Variants in TANC1 observed in about 807,000 individuals in gnomAD.
The protein encoded by TANC1 is tetratricopeptide repeat, ankyrin repeat and coiled-coil containing 1, also known as protein TANC1.
TANC1 carries 77 observed loss-of-function variants against 149.7 expected under a neutral mutation model. The ratio of observed to expected loss-of-function variants is 0.51; its 90% CI spans 0.43 to 0.62. The LOEUF is 0.62. Among genes scored for constraint, TANC1 ranks in the 20% least tolerant of loss-of-function variants. TANC1 has a pLI of 0.00. For missense variants in TANC1, 1,985 were observed against 2,321.8 expected (o/e 0.85, Z 2.98); for synonymous variants, 854 against 925.0 (o/e 0.92, Z 1.39).
chr2:159,109,690 C>T (rs148140782), intron 4 of TANC1, among the ~76,000 whole-genome samples: 1 of 152,300 alleles, frequency 6.6e-6, no homozygotes, highest in Non-Finnish European at 1.5e-5. Context: ...CAGCCCAGGA[C>T]AGGAATCTTC....
intron 2 of TANC1, chr2:159,004,052 C>A (rs967242936): frequency 2.5e-6 from 4 of 1,612,126 alleles, no homozygotes; most frequent in South Asian, 2.2e-5. Context: ...TTATTCATTT[C>A]AACAATCCCA....
rs77691899 is a variant in TANC1, at chr2:159,135,884, C to T, written c.260-310C>T. On this transcript the variant is annotated intron_variant, in intron 4 of 26. Transcript: ENST00000263635. ...ACTTGACCAGTGAAGACAGCTGTAG[C>T]GACTTCACAGCAAGAGAGCAGCTTT... Among the ~76,000 whole-genome samples, 72 of 152,310 alleles carry T rather than the reference C, an allele frequency of 4.7e-4. 1 individual carries two copies. In the East Asian group the frequency reaches 0.013, roughly 27 times the overall value.
intron 1 of TANC1, among the ~76,000 whole-genome samples, chr2:158,998,753 G>T (rs2036363504): frequency 6.6e-6 from 1 of 152,232 alleles, no homozygotes; most frequent in East Asian, 1.9e-4. Context: ...TGGTGAGTCA[G>T]CTCTGGGACA....
chr2:159,046,967 A>G (rs138354258), intron 2 of TANC1, among the ~76,000 whole-genome samples: 2 of 152,040 alleles, frequency 1.3e-5, no homozygotes, highest in East Asian at 3.9e-4. Flanking sequence ...GTCCTGCTGT[A>G]TCTGCCCTTA....
chr2:159,220,381 C>T (rs924948405), intron 22 of TANC1, among the ~76,000 whole-genome samples: 8 of 138,802 alleles, frequency 5.8e-5, no homozygotes, highest in African/African-American at 2.1e-4. Context: ...GATCTCGGCT[C>T]ACTGCAACTT....
intron 1 of TANC1, among the ~76,000 whole-genome samples, chr2:158,990,191 C>T (rs1266911451): frequency 6.6e-6 from 1 of 152,156 alleles, no homozygotes; most frequent in Non-Finnish European, 1.5e-5. Flanking sequence ...CCGCCTCAGC[C>T]TCCCAAAGTG....
At position 159,046,315 on chromosome 2, in the gene TANC1, G is replaced by T. The variant is rs138198840; in HGVS notation, c.-15-19581G>T. Among the ~76,000 whole-genome samples the T allele has an allele frequency of 5.3e-3, 811 of 152,226 alleles. 2 individuals carry two copies. The highest frequency in any genetic ancestry group is 8.6e-3 in the Non-Finnish European group (588 of 68,002). On this transcript the variant is annotated intron_variant, in intron 2 of 26. Transcript: ENST00000263635. ...TTGCTATTTGACATTTTATTAATTT[G>T]GTGGGTTTGAGGGAGAAGGGTGAGT...
intron 2 of TANC1, among the ~76,000 whole-genome samples, chr2:159,053,631 C>T (rs1574359538): frequency 6.6e-6 from 1 of 152,210 alleles, no homozygotes; most frequent in African/African-American, 2.4e-5. Context: ...CCATTTCTCA[C>T]TGCATCCTGT....
chr2:159,229,322 T>C (rs1035744787), intron 26 of TANC1, among the ~76,000 whole-genome samples: 1 of 152,098 alleles, frequency 6.6e-6, no homozygotes, highest in African/African-American at 2.4e-5. Flanking sequence ...CACTGATTCA[T>C]GCTTCTCCCT....
intron 2 of TANC1, among the ~76,000 whole-genome samples, chr2:159,059,777 TAGGATCTCCTA>T (rs2042095839): frequency 6.6e-6 from 1 of 151,888 alleles, no homozygotes; most frequent in African/African-American, 2.4e-5. Context: ...CCCAGCCTCC[TAGGATCTCCTA>T]GGAGTGATGA....
At chr2:159,183,986 A>G (rs2150584025) in intron 14 of TANC1, among the ~76,000 whole-genome samples, 1 of 152,256 alleles carries the variant, frequency 6.6e-6, no homozygotes, top group Non-Finnish European at 1.5e-5. Flanking sequence ...TGCCAGTGAT[A>G]AGGTGTAGCT....
chr2:159,143,122 G>T (rs958060290), intron 5 of TANC1, among the ~76,000 whole-genome samples: 1 of 149,262 alleles, frequency 6.7e-6, no homozygotes, highest in African/African-American at 2.4e-5. Context: ...ACTCTGACAG[G>T]ATTAGTTGCC....
At chr2:159,117,256 G>A (rs374536360) in intron 4 of TANC1, among the ~76,000 whole-genome samples, 28 of 152,294 alleles carry the variant, frequency 1.8e-4, no homozygotes, top group Middle Eastern at 3.4e-3. Context: ...TCAGAATAGC[G>A]TTAGATTTAT....
At chr2:159,073,534 T>A (rs1252613232) in intron 3 of TANC1, among the ~76,000 whole-genome samples, 1 of 152,232 alleles carries the variant, frequency 6.6e-6, no homozygotes, top group African/African-American at 2.4e-5. Flanking sequence ...AGCTGCTTTT[T>A]GTATGTGTAT....
rs1209440253 is a variant in TANC1, at chr2:159,136,047, TGTGC to T, written c.260-145_260-142del. 76 of 211,204 alleles carry T rather than the reference TGTGC, an allele frequency of 3.6e-4. 3 individuals are homozygous for T. Among genetic ancestry groups the T allele is most frequent in the East Asian group, 7.9e-4 (6 of 7,598 alleles). The allele number at this position is 211,204 out of a possible 1,614,324, so 13.1% of individuals were successfully genotyped here. A position where few individuals can be genotyped will look rare whatever the true frequency, so the allele number is the denominator to read the frequency against. ...GTGTGTGTGTGTGTGTGTGTGTGTG[TGTGC>T]GCGCGCGCGCGTTTAAGGGAGGGGA... On this transcript the variant is annotated intron_variant, in intron 4 of 26. Coordinates refer to ENST00000263635, the MANE Select transcript of TANC1 (RefSeq NM_033394.3).
intron 2 of TANC1, among the ~76,000 whole-genome samples, chr2:159,058,043 T>C (rs1340017827): frequency 6.6e-6 from 1 of 152,186 alleles, no homozygotes; most frequent in Non-Finnish European, 1.5e-5. Context: ...TGCCTGTAAG[T>C]GAGCAGGAGC....
intron 24 of TANC1, 168 bp downstream of exon 24, chr2:159,225,947 C>T (rs961901363): frequency 9.1e-6 from 6 of 660,126 alleles, no homozygotes; most frequent in African/African-American, 7.3e-5. Flanking sequence ...TTTTGGAGGC[C>T]GAGGTGGGCA....
intron 7 of TANC1, among the ~76,000 whole-genome samples, chr2:159,158,510 T>C (rs2053669591): frequency 6.6e-6 from 1 of 152,190 alleles, no homozygotes; most frequent in Admixed American, 6.5e-5. Flanking sequence ...TAGTAAACAG[T>C]ATTCCAATAT....
chr2:159,230,639 A>G lies in TANC1; in HGVS notation c.5213A>G (p.Asn1738Ser). The G allele has an allele frequency of 1.2e-6, 2 of 1,614,178 alleles. No individual in the cohort carries two copies. Among genetic ancestry groups the G allele is most frequent in the Non-Finnish European group, 1.7e-6 (2 of 1,180,042 alleles). ...DKTARFQQQS[N>S]PPSRSWHCPA... is the part of the protein sequence containing the mutation. ...ACTGCGAGGTTCCAACAGCAGAGCA[A>G]TCCTCCAAGCCGCAGCTGGCACTGT... The change falls in exon 27 of 27, where the codon AAT becomes AGT. Residue 1738 changes from asparagine to serine, a missense_variant. Physicochemically the swap from Asn to Ser is conservative, Grantham distance 46. Coordinates refer to ENST00000263635, the MANE Select transcript of TANC1 (RefSeq NM_033394.3). The surrounding 1 kb of genome is among the most constrained non-coding windows in gnomAD (Gnocchi z 4.4).
Sources: gnomAD v4.1 joint callset for allele counts (sites outside exome capture counted in the v4.1 genomes callset) on GRCh38, gnomAD v4.1.1 for gene constraint, Gnocchi (gnomAD v3.1) non-coding constraint, MANE v1.5 for transcripts, NCBI Gene and HGNC (gene_info 2026-07-23, HGNC 2026-07-21) for gene names.